The following MMP26 variants were observed in gnomAD, a reference collection of about 807,000 sequenced individuals.
MMP26 encodes the protein matrix metallopeptidase 26.
MMP26 carries 33 observed loss-of-function variants against 31.0 expected under a neutral mutation model. The ratio of observed to expected loss-of-function variants is 1.06; its 90% CI spans 0.81 to 1.42. The LOEUF (loss-of-function observed/expected upper bound fraction) is 1.42, where lower values mean the gene tolerates loss of function less well. MMP26 is among the 40% of genes most tolerant of loss of function. The pLI is 0.00. For synonymous variants in MMP26, 122 were observed against 114.9 expected (o/e 1.06, Z -0.40); for missense variants, 347 against 316.1 (o/e 1.10, Z -0.74).
rs548706620 is a variant in MMP26 at position 4,759,676 on chromosome 11, T to C, written c.-216-7594T>C. Reference sequence around the variant, plus strand: ...ACTAAAAGAGCTTAGAACAGATTGCTATATCCTATGATTAGTGGGAGAGAA... The same window carrying C: ...ACTAAAAGAGCTTAGAACAGATTGCCATATCCTATGATTAGTGGGAGAGAA... On this transcript the variant is annotated intron_variant, in intron 1 of 7. Transcript: ENST00000380390. 1.1e-4 allele frequency among the ~76,000 whole-genome samples: 17 copies of C among 152,344 alleles called. No individual in the cohort carries two copies. In the East Asian group the frequency reaches 3.3e-3, roughly 29 times the overall value.
At chr11:4,882,760 T>C (rs959668977) in intron 2 of MMP26, 2 of 1,613,908 alleles carry the variant, frequency 1.2e-6, no homozygotes, top group Non-Finnish European at 1.7e-6. Context: ...TCTTACCACC[T>C]GTGCTGAACC....
At chr11:4,969,628 A>G (rs1250721476) in intron 2 of MMP26, among the ~76,000 whole-genome samples, 4 of 152,118 alleles carry the variant, frequency 2.6e-5, no homozygotes, top group Admixed American at 2.6e-4. Context: ...CTTGACATAC[A>G]TAAAGTATTT....
chr11:4,856,387 C>G (rs11607870), intron 2 of MMP26, among the ~76,000 whole-genome samples: 50,390 of 151,648 alleles, frequency 0.33, 9,110 homozygotes, highest in Non-Finnish European at 0.41. Flanking sequence ...ATCTACCAAG[C>G]AAATGGAAAA....
At chr11:4,971,161 C>T (rs2133631086) in intron 2 of MMP26, among the ~76,000 whole-genome samples, 1 of 152,124 alleles carries the variant, frequency 6.6e-6, no homozygotes, top group African/African-American at 2.4e-5. Flanking sequence ...AGGAATAATC[C>T]CCACTCAAGA....
chr11:4,762,058 G>A (rs1000398443), intron 1 of MMP26, among the ~76,000 whole-genome samples: 4 of 151,704 alleles, frequency 2.6e-5, no homozygotes, highest in African/African-American at 9.7e-5. Flanking sequence ...TTGTTTTATT[G>A]TTTTCCAGTC....
chr11:4,964,183 C>T (rs962337337), intron 2 of MMP26, among the ~76,000 whole-genome samples: 24 of 152,040 alleles, frequency 1.6e-4, no homozygotes, highest in Non-Finnish European at 2.1e-4. Context: ...GAAATCTTTG[C>T]CCAAGCCTAT....
intron 2 of MMP26, among the ~76,000 whole-genome samples, chr11:4,820,638 TCTC>T (rs1466832734): frequency 2.6e-5 from 4 of 151,984 alleles, no homozygotes; most frequent in South Asian, 4.2e-4. Flanking sequence ...TCCTCCTTCT[TCTC>T]CTCCTCCTCT....
intron 1 of MMP26, chr11:4,710,074 C>T (rs1332015611): frequency 2.2e-6 from 1 of 456,694 alleles, no homozygotes; most frequent in Non-Finnish European, 4.4e-6. Flanking sequence ...AAGCGCCTCT[C>T]CTTCTGCCGT....
At chr11:4,736,269 G>C (rs1260173953) in intron 1 of MMP26, 2 of 152,060 alleles carry the variant, frequency 1.3e-5, no homozygotes, top group East Asian at 3.9e-4. Flanking sequence ...ATATGCATTG[G>C]CCATAAGAGT....
chr11:4,869,782 A>G lies in MMP26; in HGVS notation c.-145+102441A>G, dbSNP rs1209234026. 3.9e-5 allele frequency among the ~76,000 whole-genome samples: 6 copies of G among 152,292 alleles called. No homozygotes were observed. The South Asian group carries it at 6.2e-4, about 16-fold the overall frequency. ...ACACATGCACACCTATGTTTATTGC[A>G]GCACTATTCACAATAGCAAAGACTT... On this transcript the variant is annotated intron_variant, in intron 2 of 7. Transcript: ENST00000380390.
At chr11:4,853,521 G>C (rs925359850) in intron 2 of MMP26, among the ~76,000 whole-genome samples, 1 of 152,190 alleles carries the variant, frequency 6.6e-6, no homozygotes, top group African/African-American at 2.4e-5. Context: ...GGAATGCAAT[G>C]TGGGATAACA....
chr11:4,902,881 T>C (rs1313063014), intron 2 of MMP26, among the ~76,000 whole-genome samples: 1 of 152,084 alleles, frequency 6.6e-6, no homozygotes, highest in Non-Finnish European at 1.5e-5. Flanking sequence ...CACAGATATA[T>C]GTATTTTGTA....
intron 2 of MMP26, among the ~76,000 whole-genome samples, chr11:4,800,459 C>A (rs891511342): frequency 6.6e-6 from 1 of 152,178 alleles, no homozygotes; most frequent in East Asian, 1.9e-4. Context: ...AGAGTGGTCC[C>A]TAGGCCTGGC....
chr11:4,706,036 T>A (rs1847772180), intron 1 of MMP26, among the ~76,000 whole-genome samples: 1 of 152,090 alleles, frequency 6.6e-6, no homozygotes, highest in Non-Finnish European at 1.5e-5. Flanking sequence ...GAGTTCCCTC[T>A]GTTACAAGAA....
intron 2 of MMP26, among the ~76,000 whole-genome samples, chr11:4,879,174 C>A (rs539298737): frequency 6.6e-6 from 1 of 152,178 alleles, no homozygotes; most frequent in South Asian, 2.1e-4. Context: ...GTGGAAGTTG[C>A]AGTGACACGA....
chr11:4,772,891 G>A (rs1848744563), intron 2 of MMP26, among the ~76,000 whole-genome samples: 1 of 152,044 alleles, frequency 6.6e-6, no homozygotes, highest in African/African-American at 2.4e-5. Flanking sequence ...TTTCTACTCT[G>A]CTATTACTCC....
At chr11:4,899,432 C>G (rs113729328) in intron 2 of MMP26, among the ~76,000 whole-genome samples, 49 of 152,302 alleles carry the variant, frequency 3.2e-4, no homozygotes, top group African/African-American at 1.0e-3. Context: ...ATAATCCATT[C>G]TAAATTCTTC....
chr11:4,822,396 T>C (rs746936818), intron 2 of MMP26: 4 of 1,442,128 alleles, frequency 2.8e-6, no homozygotes, highest in Middle Eastern at 3.7e-4. Flanking sequence ...TGATTAGAGA[T>C]AAAGCCATTT....
chr11:4,742,653 G>A (rs11033663), intron 1 of MMP26, among the ~76,000 whole-genome samples: 9,399 of 151,980 alleles, frequency 0.062, 678 homozygotes, highest in African/African-American at 0.18. Flanking sequence ...GAGAATCTTG[G>A]GTAATATAGT....
Sources: allele counts gnomAD v4.1 joint callset (sites outside exome capture counted in the v4.1 genomes callset), GRCh38; gene constraint gnomAD v4.1.1; transcripts MANE v1.5; gene names NCBI Gene and HGNC (gene_info 2026-07-23, HGNC 2026-07-21).